RASA3: variants seen among roughly 807,000 people sequenced by gnomAD.
RASA3 encodes ras GTPase-activating protein 3.
A neutral mutation model predicts 110.0 loss-of-function variants in RASA3; 73 were observed. The observed-to-expected ratio is 0.66, with a 90% CI of 0.55 to 0.81. The LOEUF is 0.81. Ranked by LOEUF, RASA3 falls within the 30% of genes least tolerant of loss-of-function variation. The pLI, the probability that RASA3 is intolerant of heterozygous loss-of-function variation, is 0.00. For missense variants in RASA3, 976 were observed against 1,113.2 expected (o/e 0.88, Z 1.75); for synonymous variants, 500 against 451.4 (o/e 1.11, Z -1.37).
intron 1 of RASA3, among the ~76,000 whole-genome samples, chr13:114,118,666 A>C (rs2080327231): frequency 6.6e-6 from 1 of 152,204 alleles, no homozygotes; most frequent in Non-Finnish European, 1.5e-5. Context: ...ATTACACTAA[A>C]ATCTGGACTA....
chr13:114,021,350 G>A lies in RASA3; in HGVS notation c.785+54C>T, dbSNP rs139978789. On this transcript the variant is annotated intron_variant, in intron 9 of 23. Coordinates refer to ENST00000334062, the MANE Select transcript of RASA3 (RefSeq NM_007368.4). ...GTGCCTTTCCACTCAGAGGCAGCACGTGTTTTTGTGGCTCTCAGAGATGCG... is the reference window on the plus strand; with the variant it reads ...GTGCCTTTCCACTCAGAGGCAGCACATGTTTTTGTGGCTCTCAGAGATGCG... 3.3e-4 allele frequency: 503 copies of A among 1,509,096 alleles called. 9 individuals are homozygous for A. The East Asian group carries it at 0.011, about 32-fold the overall frequency. The allele number at this position is 1,509,096 out of a possible 1,614,324, so 93.5% of individuals were successfully genotyped here. A position where few individuals can be genotyped will look rare whatever the true frequency, so the allele number is the denominator to read the frequency against.
At chr13:114,064,245 G>A (rs1189068922) in intron 2 of RASA3, among the ~76,000 whole-genome samples, 1 of 152,188 alleles carries the variant, frequency 6.6e-6, no homozygotes, top group Non-Finnish European at 1.5e-5. Flanking sequence ...CGTCCACCTC[G>A]ATCACGTCAC....
intron 1 of RASA3, among the ~76,000 whole-genome samples, chr13:114,101,313 G>A (rs763753616): frequency 3.3e-5 from 5 of 152,174 alleles, no homozygotes; most frequent in Admixed American, 1.3e-4. Context: ...TCTGCCCAGC[G>A]AGGTCTACCC....
intron 18 of RASA3, among the ~76,000 whole-genome samples, chr13:114,003,705 G>C (rs1056324418): frequency 2.0e-5 from 3 of 152,092 alleles, no homozygotes; most frequent in African/African-American, 7.2e-5. Flanking sequence ...CGTACTCATA[G>C]GCATGTCCCA....
At chr13:114,049,632 G>A (rs1349049309) in intron 3 of RASA3, among the ~76,000 whole-genome samples, 3 of 152,382 alleles carry the variant, frequency 2.0e-5, no homozygotes, top group South Asian at 2.1e-4. Context: ...CTGGTGACGA[G>A]GCCTGACACA....
intron 3 of RASA3, among the ~76,000 whole-genome samples, chr13:114,049,696 T>G (rs999192768): frequency 8.5e-5 from 13 of 152,210 alleles, no homozygotes; most frequent in African/African-American, 3.1e-4. Flanking sequence ...CCCCGCCAGA[T>G]ACACCATTAG....
Position 114,018,754 on chromosome 13 carries a change from G to C in RASA3, c.942+9C>G. The C allele has an allele frequency of 6.2e-7, 1 of 1,612,836 alleles. No individual in the cohort carries two copies. Among genetic ancestry groups the C allele is most frequent in the Non-Finnish European group, 8.5e-7 (1 of 1,179,786 alleles). ...GCCCACACCCACAGGCCACGGCGTG[G>C]ACAAGCACCTCCACATCCGCAGACT... On this transcript the variant is annotated intron_variant, in intron 10 of 23. Transcript: ENST00000334062.
chr13:114,114,649 G>A lies in RASA3; in HGVS notation c.55+17786C>T, dbSNP rs1204930742. ...GCACTATCACATATTTAATTGACTCGTAAAAGCAACTTGTTTTTCTTCATC... is the reference window on the plus strand; with the variant it reads ...GCACTATCACATATTTAATTGACTCATAAAAGCAACTTGTTTTTCTTCATC... On this transcript the variant is annotated intron_variant, in intron 1 of 23. Coordinates refer to ENST00000334062, the MANE Select transcript of RASA3 (RefSeq NM_007368.4). This position sits in a 1 kb window ranked among gnomAD's most constrained non-coding sequence, Gnocchi z 4.8. Among the ~76,000 whole-genome samples, 3 of 152,184 alleles carry A rather than the reference G, an allele frequency of 2.0e-5. No individual in the cohort carries two copies. The highest frequency in any genetic ancestry group is 3.8e-4 in the East Asian group (2 of 5,198).
chr13:114,094,813 G>A (rs1356242721), intron 1 of RASA3, among the ~76,000 whole-genome samples: 2 of 152,194 alleles, frequency 1.3e-5, no homozygotes, highest in South Asian at 2.1e-4. Flanking sequence ...TCAGTAAATA[G>A]AGCTCACACG....
rs191854432 is a variant in RASA3, at chr13:114,011,998, C to T, written c.1513-750G>A. Among the ~76,000 whole-genome samples, 409 of 152,150 alleles carry T rather than the reference C, an allele frequency of 2.7e-3. No individual in the cohort carries two copies. Among genetic ancestry groups the T allele is most frequent in the Middle Eastern group, 6.8e-3 (2 of 294 alleles). On this transcript the variant is annotated intron_variant, in intron 15 of 23. Transcript: ENST00000334062. The surrounding 1 kb of genome is among the most constrained non-coding windows in gnomAD (Gnocchi z 4.8). The stretch of plus-strand genomic sequence containing the variant: ...GCCATCTCCTTCCAGCTCTGCCACC[C>T]GCACGTGCAACACGGTCACCCCAGA...
chr13:114,001,520 C>T (rs933093039), intron 18 of RASA3, among the ~76,000 whole-genome samples: 47 of 148,610 alleles, frequency 3.2e-4, no homozygotes, highest in Non-Finnish European at 3.9e-4. Context: ...AGGCAGTGGA[C>T]GCTCACACAC....
chr13:114,115,542 G>C lies in RASA3; in HGVS notation c.55+16893C>G, dbSNP rs184696545. ...AAGAGACTCATGCCCTAGAGATAAA[G>C]CCGTCGGAGGCAGAGTGCAGGCCTC... On this transcript the variant is annotated intron_variant, in intron 1 of 23. Coordinates refer to ENST00000334062, the MANE Select transcript of RASA3 (RefSeq NM_007368.4). This position sits in a 1 kb window ranked among gnomAD's most constrained non-coding sequence, Gnocchi z 5.0. Among the ~76,000 whole-genome samples the C allele has an allele frequency of 1.3e-5, 2 of 152,320 alleles. No individual in the cohort carries two copies. Among genetic ancestry groups the C allele is most frequent in the Admixed American group, 1.3e-4 (2 of 15,310 alleles).
In RASA3 at chr13:114,007,572, T is replaced by A; in HGVS notation, c.1703A>T (p.Asp568Val). Residue 568 changes from aspartate to valine, a missense_variant, in exon 18 of 24, where the codon GAC (aspartate) becomes GTC (valine). Physicochemically the swap from Asp to Val is radical, Grantham distance 152. This residue lies in a region of RASA3 where 732 missense variants were observed against 779.7 expected (regional missense o/e 0.94). Coordinates refer to ENST00000334062, the MANE Select transcript of RASA3 (RefSeq NM_007368.4). ...GATGGGCTGCTCAACACTCTTGGGG[T>A]CTCTTCTCCCCGAGGACGAAATCAG... Reference protein sequence around the residue: ...LDLISSSGRRDPKSVEQPIVL... With the variant: ...LDLISSSGRRVPKSVEQPIVL... The A allele has an allele frequency of 6.2e-7, 1 of 1,613,536 alleles. No homozygotes were observed. Among genetic ancestry groups the A allele is most frequent in the Non-Finnish European group, 8.5e-7 (1 of 1,179,850 alleles).
intron 1 of RASA3, among the ~76,000 whole-genome samples, chr13:114,127,129 C>T (rs2080461369): frequency 6.6e-6 from 1 of 152,274 alleles, no homozygotes; most frequent in African/African-American, 2.4e-5. Context: ...GGTGCCACAG[C>T]CTCAGGGAGA....
chr13:114,111,057 G>A (rs570535732), intron 1 of RASA3, among the ~76,000 whole-genome samples: 2 of 85,920 alleles, frequency 2.3e-5, no homozygotes, highest in South Asian at 4.2e-4. Flanking sequence ...GAGTTCTAAC[G>A]GGCTGAGCCT....
Position 114,056,825 on chromosome 13 carries a change from T to C in RASA3, c.174-4670A>G, listed in dbSNP as rs1378037868. The C allele has an allele frequency of 7.8e-6, 3 of 383,640 alleles. No individual in the cohort carries two copies. Among genetic ancestry groups the C allele is most frequent in the Non-Finnish European group, 1.1e-5 (3 of 279,688 alleles). 23.8% of individuals were successfully genotyped at this position (383,640 alleles called of 1,614,324 possible). On this transcript the variant is annotated intron_variant, in intron 2 of 23. Transcript: ENST00000334062. This position sits in a 1 kb window ranked among gnomAD's most constrained non-coding sequence, Gnocchi z 5.7. ...CCTTTCTAAATGTAAAAGCGGTTTATAGCAACACAGCATGGCCCTGCTGCA... is the reference window on the plus strand; with the variant it reads ...CCTTTCTAAATGTAAAAGCGGTTTACAGCAACACAGCATGGCCCTGCTGCA...
chr13:114,016,306 G>A (rs774700241), intron 12 of RASA3, 35 bp from the exon 13 acceptor site: 3 of 1,473,550 alleles, frequency 2.0e-6, no homozygotes, highest in African/African-American at 2.8e-5. Context: ...TCTGTGAGTG[G>A]GTTCTGGGGG....
chr13:114,054,849 C>G (rs2079210664), intron 2 of RASA3, among the ~76,000 whole-genome samples: 1 of 152,250 alleles, frequency 6.6e-6, no homozygotes. Context: ...TCGCGTTGGT[C>G]GTTGACGCAG....
intron 1 of RASA3, among the ~76,000 whole-genome samples, chr13:114,106,150 G>T (rs1206294813): frequency 1.3e-5 from 2 of 152,200 alleles, no homozygotes; most frequent in African/African-American, 4.8e-5. Flanking sequence ...CTTTTCCGAT[G>T]AACTTTCAAT....
Sources: gnomAD v4.1 joint callset for allele counts (sites outside exome capture counted in the v4.1 genomes callset) on GRCh38, gnomAD v4.1.1 for gene constraint, gnomAD v4.1.1 regional missense constraint, Gnocchi (gnomAD v3.1) non-coding constraint, MANE v1.5 for transcripts, NCBI Gene and HGNC (gene_info 2026-07-23, HGNC 2026-07-21) for gene names.